The following PLAC1 variants were observed in gnomAD, a reference collection of about 807,000 sequenced individuals.
The protein encoded by PLAC1 is placenta-specific protein 1.
For missense variants in PLAC1, 136 were observed against 163.2 expected, an observed-to-expected ratio of 0.83 and a Z score of 0.91; for synonymous variants, 68 against 62.1, an observed-to-expected ratio of 1.09 and a Z score of -0.44.
chrX:134,608,926 G>A (rs751671202), intron 1 of PLAC1, among the ~76,000 whole-genome samples: 2 of 108,860 alleles, frequency 1.8e-5, no homozygotes, highest in African/African-American at 6.7e-5. Flanking sequence ...CACCCACCTC[G>A]GCCTCTTAAA....
chrX:134,659,152 C>T (rs1284647203), upstream of PLAC1, among the ~76,000 whole-genome samples: 1 of 109,735 alleles, frequency 9.1e-6, no homozygotes, highest in Non-Finnish European at 1.9e-5. Context: ...ACCACCATGG[C>T]ACATGTTTAC....
intron 2 of PLAC1, among the ~76,000 whole-genome samples, chrX:134,668,404 G>T (rs1201743082): frequency 8.9e-6 from 1 of 112,124 alleles, no homozygotes; most frequent in Non-Finnish European, 1.9e-5. Context: ...TAGTGATGAT[G>T]GTTGCACAAC....
At chrX:134,732,955 C>T (rs1177680443) in intron 2 of PLAC1, among the ~76,000 whole-genome samples, 2 of 111,208 alleles carry the variant, frequency 1.8e-5, no homozygotes, top group Non-Finnish European at 3.8e-5. Flanking sequence ...GGGCCCACAC[C>T]ACTGCTTCCT....
At position 134,657,364 on chromosome X, in the gene PLAC1, T is replaced by G. The variant is rs758968605; in HGVS notation, c.-131+964A>C. Among the ~76,000 whole-genome samples the G allele has an allele frequency of 7.1e-5, 8 of 112,142 alleles. No individual in the cohort carries two copies. In the South Asian group the frequency reaches 2.6e-3, roughly 37 times the overall value. Reference sequence around the variant, plus strand: ...CCAAACCATTGCAAGTTGGGGACTGTCTGTATATTCTATTTGATGCCAATT... The same window carrying G: ...CCAAACCATTGCAAGTTGGGGACTGGCTGTATATTCTATTTGATGCCAATT... On this transcript the variant is annotated intron_variant, in intron 1 of 2. Coordinates refer to ENST00000359237, the MANE Select transcript of PLAC1 (RefSeq NM_021796.4).
chrX:134,761,634 G>A (rs749013515), intron 1 of PLAC1, among the ~76,000 whole-genome samples: 1 of 112,113 alleles, frequency 8.9e-6, no homozygotes, highest in South Asian at 3.8e-4. Context: ...TGATGGGACT[G>A]GAGGTCAAGG....
intron 2 of PLAC1, among the ~76,000 whole-genome samples, chrX:134,574,664 C>G (rs1169771922): frequency 1.8e-5 from 2 of 111,909 alleles, no homozygotes; most frequent in African/African-American, 6.5e-5. Flanking sequence ...TTTCCTCCAT[C>G]CCTGTGATAA....
At chrX:134,655,813 T>A (rs1002585161) in intron 1 of PLAC1, among the ~76,000 whole-genome samples, 1 of 112,663 alleles carries the variant, frequency 8.9e-6, no homozygotes, top group Non-Finnish European at 1.9e-5. Flanking sequence ...CTCTGTTTTA[T>A]ATAAACAGCA....
At chrX:134,659,855 A>C (rs1224500932), upstream of PLAC1, among the ~76,000 whole-genome samples, 4 of 111,923 alleles carry the variant, frequency 3.6e-5, no homozygotes, top group African/African-American at 6.5e-5. Context: ...GAGAGATTAA[A>C]TAACTTACCT....
intron 2 of PLAC1, among the ~76,000 whole-genome samples, chrX:134,714,629 T>A (rs993516118): frequency 4.5e-5 from 5 of 111,232 alleles, no homozygotes; most frequent in African/African-American, 1.6e-4. Context: ...TCTGTACCCA[T>A]CAAACATTAG....
At chrX:134,577,608 G>C (rs893313520) in intron 2 of PLAC1, among the ~76,000 whole-genome samples, 1 of 111,271 alleles carries the variant, frequency 9.0e-6, no homozygotes, top group African/African-American at 3.3e-5. Flanking sequence ...AGAATCGCTT[G>C]AACTGGGGGG....
intron 1 of PLAC1, among the ~76,000 whole-genome samples, chrX:134,736,689 G>C (rs1173299625): frequency 8.9e-6 from 1 of 112,104 alleles, no homozygotes. Flanking sequence ...TACTGAGAAG[G>C]CTCTGGCGCC....
intron 1 of PLAC1, among the ~76,000 whole-genome samples, chrX:134,638,074 G>T (rs1393318145): frequency 8.9e-6 from 1 of 111,945 alleles, no homozygotes; most frequent in Non-Finnish European, 1.9e-5. Context: ...TTTTTTGGTT[G>T]TTTTTAAAGT....
chrX:134,567,811 A>G (rs1355738889), intron 2 of PLAC1, among the ~76,000 whole-genome samples: 7 of 75,126 alleles, frequency 9.3e-5, no homozygotes, highest in African/African-American at 2.8e-4. Flanking sequence ...AGAGAGAGAG[A>G]GAGGGAGGGA....
chrX:134,573,007 G>A, intron 2 of PLAC1, among the ~76,000 whole-genome samples: 1 of 111,789 alleles, frequency 8.9e-6, no homozygotes. Context: ...TTGTAAGAGA[G>A]AAATTTCCGC....
intron 1 of PLAC1, among the ~76,000 whole-genome samples, chrX:134,639,968 A>G (rs1232802268): frequency 1.8e-5 from 2 of 112,062 alleles, no homozygotes; most frequent in Non-Finnish European, 3.8e-5. Context: ...TTGTTTATCT[A>G]TTCACCATGT....
At chrX:134,596,199 GA>G (rs1852114640) in intron 2 of PLAC1, among the ~76,000 whole-genome samples, 1 of 78,796 alleles carries the variant, frequency 1.3e-5, no homozygotes, top group South Asian at 4.1e-4. Flanking sequence ...AACTATATCA[GA>G]CAGTATTATT....
At chrX:134,701,152 T>A (rs1485501501) in intron 2 of PLAC1, among the ~76,000 whole-genome samples, 1 of 111,878 alleles carries the variant, frequency 8.9e-6, no homozygotes, top group African/African-American at 3.2e-5. Flanking sequence ...AGCCATCTAA[T>A]CTTTGACAAA....
intron 2 of PLAC1, among the ~76,000 whole-genome samples, chrX:134,575,962 A>G (rs2077937030): frequency 9.2e-6 from 1 of 108,385 alleles, no homozygotes; most frequent in South Asian, 3.8e-4. Context: ...AATAATATAT[A>G]CATATATGAT....
At chrX:134,612,750 A>T (rs1031175234) in intron 1 of PLAC1, among the ~76,000 whole-genome samples, 1 of 111,557 alleles carries the variant, frequency 9.0e-6, no homozygotes, top group Non-Finnish European at 1.9e-5. Flanking sequence ...TAAAAACAAA[A>T]TCCTCCTTTT....
Sources: allele counts gnomAD v4.1 joint callset (sites outside exome capture counted in the v4.1 genomes callset), GRCh38; gene constraint gnomAD v4.1.1; transcripts MANE v1.5; gene names NCBI Gene and HGNC (gene_info 2026-07-23, HGNC 2026-07-21).